Variants in UBE2R2 observed in about 807,000 individuals in gnomAD.
UBE2R2 encodes the protein ubiquitin conjugating enzyme E2 R2.
A neutral mutation model predicts 27.8 loss-of-function variants in UBE2R2; 1 was observed. That is an observed-to-expected ratio of 0.04 (90% confidence interval 0.01 to 0.17). The LOEUF (loss-of-function observed/expected upper bound fraction) is 0.17, where lower values mean the gene tolerates loss of function less well. Among genes scored for constraint, UBE2R2 ranks in the 10% least tolerant of loss-of-function variants. The probability of loss-of-function intolerance (pLI) is 1.00; values close to 1 mark genes in which losing one functional copy is unlikely to be tolerated. For synonymous variants in UBE2R2, 106 were observed against 113.3 expected (o/e 0.94, Z 0.41); for missense variants, 100 against 291.0 (o/e 0.34, Z 4.78).
At chr9:33,835,666 G>A (rs558598263) in intron 1 of UBE2R2, among the ~76,000 whole-genome samples, 4 of 151,572 alleles carry the variant, frequency 2.6e-5, no homozygotes, top group Admixed American at 2.0e-4. Flanking sequence ...TGGATCACTT[G>A]AGCCCACGAG....
upstream of UBE2R2, among the ~76,000 whole-genome samples, chr9:33,816,634 C>T (rs1825766079): frequency 6.6e-6 from 1 of 152,204 alleles, no homozygotes; most frequent in Non-Finnish European, 1.5e-5. Context: ...GGCTGGCCTG[C>T]GGGAAGGTCT....
intron 1 of UBE2R2, among the ~76,000 whole-genome samples, chr9:33,864,587 TC>T (rs774871661): frequency 6.6e-6 from 1 of 152,174 alleles, no homozygotes; most frequent in Non-Finnish European, 1.5e-5. Context: ...TCTTGCTTTG[TC>T]GCCCAGGGTG....
At chr9:33,896,961 T>TG (rs892028778) in intron 2 of UBE2R2, among the ~76,000 whole-genome samples, 1 of 151,406 alleles carries the variant, frequency 6.6e-6, no homozygotes, top group African/African-American at 2.4e-5. Flanking sequence ...GTGTTTTTTT[T>TG]TTGTTGTTTG....
intron 1 of UBE2R2, among the ~76,000 whole-genome samples, chr9:33,820,931 G>A (rs960073407): frequency 4.6e-5 from 7 of 151,988 alleles, no homozygotes; most frequent in South Asian, 4.1e-4. Flanking sequence ...ATTTAATATC[G>A]CCAATCCACG....
chr9:33,905,968 G>A (rs1169720963), intron 3 of UBE2R2, among the ~76,000 whole-genome samples: 4 of 152,182 alleles, frequency 2.6e-5, no homozygotes, highest in African/African-American at 7.2e-5. Context: ...ATCACATTAC[G>A]CTGGGTCTAT....
At chr9:33,846,553 A>G (rs372483573) in intron 1 of UBE2R2, among the ~76,000 whole-genome samples, 6 of 152,304 alleles carry the variant, frequency 3.9e-5, no homozygotes, top group South Asian at 2.1e-4. Flanking sequence ...AGCAATGACA[A>G]TAAAAAATAA....
At chr9:33,889,911 T>G (rs1821941882) in intron 2 of UBE2R2, among the ~76,000 whole-genome samples, 1 of 151,044 alleles carries the variant, frequency 6.6e-6, no homozygotes, top group African/African-American at 2.4e-5. Flanking sequence ...CTCTAACTCC[T>G]GATTGTGATC....
rs1029696685 is a variant in UBE2R2, at chr9:33,896,449, G to GA, written c.265-3725_265-3724insA. Among the ~76,000 whole-genome samples, 3 of 142,996 alleles carry GA rather than the reference G, an allele frequency of 2.1e-5. No homozygotes were observed. In the Admixed American group the frequency reaches 2.1e-4, roughly 10 times the overall value. 93.8% of individuals were successfully genotyped at this position (142,996 alleles called of 152,430 possible). Reference sequence around the variant, plus strand: ...ATGATGTTAGCTGTGGGTTTTTTTGGTTTTTTTTTTTTAGATGGAGTCTTA... The same window carrying GA: ...ATGATGTTAGCTGTGGGTTTTTTTGGATTTTTTTTTTTTAGATGGAGTCTTA... On this transcript the variant is annotated intron_variant, in intron 2 of 4. Coordinates refer to ENST00000263228, the MANE Select transcript of UBE2R2 (RefSeq NM_017811.4).
chr9:33,833,399 C>T lies in UBE2R2; in HGVS notation c.177+15465C>T, dbSNP rs115239518. 3.1e-3 allele frequency among the ~76,000 whole-genome samples: 474 copies of T among 152,136 alleles called. 3 individuals carry two copies. The highest frequency in any genetic ancestry group is 0.011 in the African/African-American group (439 of 41,518). On this transcript the variant is annotated intron_variant, in intron 1 of 4. Coordinates refer to ENST00000263228, the MANE Select transcript of UBE2R2 (RefSeq NM_017811.4). Reference sequence around the variant, plus strand: ...GTTTTTAGCAGAGACGTGGTTTCACCATGTTGGCCAGGTTGGTCCCCTGAC... The same window carrying T: ...GTTTTTAGCAGAGACGTGGTTTCACTATGTTGGCCAGGTTGGTCCCCTGAC...
intron 1 of UBE2R2, among the ~76,000 whole-genome samples, chr9:33,878,720 G>A (rs574893806): frequency 6.6e-6 from 1 of 152,312 alleles, no homozygotes; most frequent in South Asian, 2.1e-4. Flanking sequence ...AGAAACAAAG[G>A]CTTGGTAGAG....
chr9:33,851,392 G>C (rs143375176), intron 1 of UBE2R2, among the ~76,000 whole-genome samples: 3 of 152,264 alleles, frequency 2.0e-5, no homozygotes, highest in African/African-American at 7.2e-5. Flanking sequence ...TTATAATAAT[G>C]TTCTTCATAG....
chr9:33,870,259 C>T (rs1311985543), intron 1 of UBE2R2, among the ~76,000 whole-genome samples: 1 of 152,178 alleles, frequency 6.6e-6, no homozygotes, highest in Non-Finnish European at 1.5e-5. Context: ...TCTCCTGCCT[C>T]AGACTCCTCA....
At chr9:33,891,047 G>GTTTTTTTGTTTTTT (rs142957598) in intron 2 of UBE2R2, among the ~76,000 whole-genome samples, 26 of 126,412 alleles carry the variant, frequency 2.1e-4, no homozygotes, top group African/African-American at 3.7e-4. Flanking sequence ...TTGTTGTTGT[G>GTTTTTTTGTTTTTT]TTTTTTTGTT....
chr9:33,822,096 A>G (rs216370), intron 1 of UBE2R2, among the ~76,000 whole-genome samples: 1 of 145,062 alleles, frequency 6.9e-6, no homozygotes. Flanking sequence ...ATATATATAT[A>G]TTTTTTTTTT....
chr9:33,818,147 G>A (rs952943857), intron 1 of UBE2R2, among the ~76,000 whole-genome samples: 2 of 152,082 alleles, frequency 1.3e-5, no homozygotes, highest in Non-Finnish European at 2.9e-5. Context: ...GGCGGGGGCG[G>A]GAGGGCAGGC....
At chr9:33,827,270 A>C (rs1007178619) in intron 1 of UBE2R2, among the ~76,000 whole-genome samples, 5 of 152,222 alleles carry the variant, frequency 3.3e-5, no homozygotes, top group Admixed American at 1.3e-4. Context: ...TCGAGGCTTC[A>C]GTGAGCCATG....
chr9:33,846,919 T>C (rs541648883), intron 1 of UBE2R2, among the ~76,000 whole-genome samples: 1 of 152,246 alleles, frequency 6.6e-6, no homozygotes, highest in Admixed American at 6.5e-5. Flanking sequence ...TAGTGAACTT[T>C]TAATAATTTT....
intron 1 of UBE2R2, among the ~76,000 whole-genome samples, chr9:33,836,768 A>T (rs10814050): frequency 0.39 from 57,227 of 147,374 alleles, 11,764 homozygotes; most frequent in East Asian, 0.59. Flanking sequence ...AAAAAAAAAA[A>T]ATATATATAT....
intron 1 of UBE2R2, among the ~76,000 whole-genome samples, chr9:33,820,901 T>A (rs1016413729): frequency 3.3e-5 from 5 of 152,246 alleles, no homozygotes; most frequent in East Asian, 3.8e-4. Flanking sequence ...AGAATTTTTT[T>A]ATTCATCCTG....
Sources: gnomAD v4.1 joint callset for allele counts (sites outside exome capture counted in the v4.1 genomes callset) on GRCh38, gnomAD v4.1.1 for gene constraint, MANE v1.5 for transcripts, NCBI Gene and HGNC (gene_info 2026-07-23, HGNC 2026-07-21) for gene names.